ARHGDIB: variants seen among roughly 807,000 people sequenced by gnomAD.
ARHGDIB encodes the protein Rho GDP dissociation inhibitor beta.
Under a neutral mutation model 22.6 loss-of-function variants are expected in ARHGDIB, and 20 were observed. The ratio of observed to expected loss-of-function variants is 0.88; its 90% CI spans 0.62 to 1.28. ARHGDIB has a LOEUF of 1.28. Ranked by LOEUF, ARHGDIB falls within the 50% of genes most tolerant of loss-of-function variation. ARHGDIB has a pLI of 0.00. For missense variants in ARHGDIB, 254 were observed against 245.4 expected (o/e 1.04, Z -0.23); for synonymous variants, 114 against 96.1 (o/e 1.19, Z -1.09).
Position 14,942,353 on chromosome 12 carries a change from C to G in ARHGDIB, c.*169G>C. ...TGGGTGAAAGCCCGGTTTTAAGCCT[C>G]TTGTTCTAGGGACCACGTTGAGTGA... On this transcript the variant is annotated 3_prime_UTR_variant, in exon 6 of 6. Transcript: ENST00000228945. 1 of 741,148 alleles carries G rather than the reference C, an allele frequency of 1.3e-6. No individual in the cohort carries two copies. 45.9% of individuals were successfully genotyped at this position (741,148 alleles called of 1,614,324 possible). A position where few individuals can be genotyped will look rare whatever the true frequency, so the allele number is the denominator to read the frequency against.
chr12:14,948,357 A>C (rs982206482), intron 3 of ARHGDIB, among the ~76,000 whole-genome samples: 1 of 152,226 alleles, frequency 6.6e-6, no homozygotes, highest in Admixed American at 6.5e-5. Context: ...AAAACATATA[A>C]GAAAAATAGT....
In ARHGDIB at chr12:14,942,333, G is replaced by C; in HGVS notation, c.*189C>G. 3.1e-6 allele frequency: 2 copies of C among 635,498 alleles called. No individual in the cohort carries two copies. Among genetic ancestry groups the C allele is most frequent in the Non-Finnish European group, 5.4e-6 (2 of 367,304 alleles). 39.4% of individuals were successfully genotyped at this position (635,498 alleles called of 1,614,324 possible). ...GAGGATCAGAGGGAGCAGGTTGGGT[G>C]AAAGCCCGGTTTTAAGCCTCTTGTT... On this transcript the variant is annotated 3_prime_UTR_variant, in exon 6 of 6. Transcript: ENST00000228945.
chr12:14,942,592 G>T lies in ARHGDIB; in HGVS notation c.536C>A (p.Thr179Asn). 6.2e-7 allele frequency: 1 copy of T among 1,614,174 alleles called. No individual in the cohort carries two copies. The highest frequency in any genetic ancestry group is 8.5e-7 in the Non-Finnish European group (1 of 1,180,030). ...GAGGTGGTCTTGCTTGTCATCGTCG[G>T]TGAAGAAGGACTTGTTGTGGTACGT... ...RGTYHNKSFF[T>N]DDDKQDHLSW... is the part of the protein sequence containing the mutation. The change falls in exon 6 of 6, where the codon ACC becomes AAC. Residue 179 changes from threonine (T) to asparagine (N), a missense_variant. Coordinates refer to ENST00000228945, the MANE Select transcript of ARHGDIB (RefSeq NM_001175.7).
intron 1 of ARHGDIB, among the ~76,000 whole-genome samples, chr12:14,954,820 A>AT (rs1273204794): frequency 6.6e-6 from 1 of 152,174 alleles, no homozygotes; most frequent in Non-Finnish European, 1.5e-5. Context: ...GTGAGTAGAC[A>AT]TTAGCTGCTC....
At chr12:14,943,195 CTTTAAAACATTT>C (rs1266810618) in intron 5 of ARHGDIB, among the ~76,000 whole-genome samples, 2 of 152,112 alleles carry the variant, frequency 1.3e-5, no homozygotes, top group Non-Finnish European at 2.9e-5. Flanking sequence ...AAAAATTATT[CTTTAAAACATTT>C]TTTAAGTTGG....
chr12:14,944,780 C>T lies in ARHGDIB; in HGVS notation c.402G>A (p.Val134=), dbSNP rs143148352. ...TGGAAATGTGGGTTCCCTTACCTTTCACCCCAGTCCTGTAGGTGTGCTGAA... is the reference window on the plus strand; with the variant it reads ...TGGAAATGTGGGTTCCCTTACCTTTTACCCCAGTCCTGTAGGTGTGCTGAA... ...KYVQHTYRTG[V]KVDKATFMVG... is the part of the protein sequence containing the mutation. Residue 134 remains valine, a synonymous_variant, in exon 5 of 6, where the codon GTG becomes GTA. Coordinates refer to ENST00000228945, the MANE Select transcript of ARHGDIB (RefSeq NM_001175.7). The T allele has an allele frequency of 3.7e-6, 6 of 1,612,110 alleles. No individual in the cohort carries two copies. The African/African-American group carries it at 8.0e-5, about 22-fold the overall frequency.
rs1314679129 is a variant in ARHGDIB, at chr12:14,942,585, A to G, written c.543T>C (p.Asp181=). The G allele has an allele frequency of 1.2e-6, 2 of 1,614,074 alleles. No individual in the cohort carries two copies. Among genetic ancestry groups the G allele is most frequent in the African/African-American group, 2.7e-5 (2 of 74,924 alleles). The change falls in exon 6 of 6, where the codon GAT becomes GAC. Residue 181 remains aspartate (D), a synonymous_variant. Transcript: ENST00000228945. ...TYHNKSFFTD[D]DKQDHLSWEW... ...CCCAGCTGAGGTGGTCTTGCTTGTCATCGTCGGTGAAGAAGGACTTGTTGT... is the reference window on the plus strand; with the variant it reads ...CCCAGCTGAGGTGGTCTTGCTTGTCGTCGTCGGTGAAGAAGGACTTGTTGT...
intron 4 of ARHGDIB, 21 bp from the exon 5 acceptor site, chr12:14,944,860 AG>A: frequency 6.2e-7 from 1 of 1,609,670 alleles, no homozygotes; most frequent in East Asian, 2.2e-5. Flanking sequence ...GAAGGAACCA[AG>A]ATGTTCAGAT....
chr12:14,948,056 G>T (rs1310819714), intron 3 of ARHGDIB, 107 bp from the exon 4 acceptor site: 14 of 711,520 alleles, frequency 2.0e-5, no homozygotes, highest in Non-Finnish European at 1.5e-5. Flanking sequence ...GGGCAACATG[G>T]TTCACAGGGC....
At chr12:14,948,057 T>G in intron 3 of ARHGDIB, 108 bp from the exon 4 acceptor site, 2 of 751,780 alleles carry the variant, frequency 2.7e-6, no homozygotes, top group South Asian at 2.9e-5. Flanking sequence ...GGCAACATGG[T>G]TCACAGGGCC....
chr12:14,950,569 G>A lies in ARHGDIB; in HGVS notation c.144C>T (p.Tyr48=). The change falls in exon 2 of 6, where the codon TAC becomes TAT. Residue 48 remains tyrosine (Y), a synonymous_variant. Coordinates refer to ENST00000228945, the MANE Select transcript of ARHGDIB (RefSeq NM_001175.7). Reference sequence around the variant, plus strand: ...GACCATCTCCCAGCAGCGTTTTCTTGTACTTAATTAGACTCTCATCATCTT... The same window carrying A: ...GACCATCTCCCAGCAGCGTTTTCTTATACTTAATTAGACTCTCATCATCTT... ...MDKDDESLIK[Y]KKTLLGDGPV... The A allele has an allele frequency of 1.9e-6, 3 of 1,613,842 alleles. No homozygotes were observed. The highest frequency in any genetic ancestry group is 1.3e-5 in the African/African-American group (1 of 74,992).
intron 5 of ARHGDIB, 125 bp downstream of exon 5, chr12:14,944,651 G>C: frequency 2.3e-6 from 2 of 879,808 alleles, no homozygotes; most frequent in African/African-American, 1.7e-5. Flanking sequence ...CCTTTTCCTA[G>C]AGCCGGCATC....
intron 5 of ARHGDIB, among the ~76,000 whole-genome samples, chr12:14,942,955 A>G (rs1592283819): frequency 6.6e-6 from 1 of 151,028 alleles, no homozygotes. Context: ...CACAACCTCC[A>G]CCTCCCAGGT....
chr12:14,949,946 A>C, intron 2 of ARHGDIB, 61 bp from the exon 3 acceptor site: 1 of 1,389,690 alleles, frequency 7.2e-7, no homozygotes. Context: ...GGGTGTGTGC[A>C]TTTCAAGTGG....
chr12:14,949,431 A>C (rs1421561974), intron 3 of ARHGDIB, among the ~76,000 whole-genome samples: 2 of 151,874 alleles, frequency 1.3e-5, no homozygotes, highest in African/African-American at 4.8e-5. Context: ...AGTGGATAGA[A>C]GATCAATACT....
At chr12:14,943,946 G>A (rs574894172) in intron 5 of ARHGDIB, among the ~76,000 whole-genome samples, 1 of 152,194 alleles carries the variant, frequency 6.6e-6, no homozygotes, top group African/African-American at 2.4e-5. Context: ...TATCGGAAAG[G>A]CCAATCAATA....
intron 3 of ARHGDIB, 21 bp from the exon 4 acceptor site, chr12:14,947,970 AG>A (rs760702985): frequency 6.3e-7 from 1 of 1,587,460 alleles, no homozygotes; most frequent in Non-Finnish European, 8.7e-7. Flanking sequence ...AGATTTAGAG[AG>A]AGTTTATCCT....
chr12:14,954,910 T>C (rs1423749138), intron 1 of ARHGDIB, among the ~76,000 whole-genome samples: 2 of 152,224 alleles, frequency 1.3e-5, no homozygotes, highest in Non-Finnish European at 2.9e-5. Context: ...TTACTATCGA[T>C]GTGTGTCCCT....
At position 14,954,574 on chromosome 12, in the gene ARHGDIB, C is replaced by T. The variant is rs1342715350; in HGVS notation, c.-12-3850G>A. On this transcript the variant is annotated intron_variant, in intron 1 of 5. Coordinates refer to ENST00000228945, the MANE Select transcript of ARHGDIB (RefSeq NM_001175.7). Reference sequence around the variant, plus strand: ...CTGGCTTTCCTACTAACTAGCTTTTCCCCTGTTAACTGAATGTTGCAACCA... The same window carrying T: ...CTGGCTTTCCTACTAACTAGCTTTTTCCCTGTTAACTGAATGTTGCAACCA... 5.3e-5 allele frequency among the ~76,000 whole-genome samples: 8 copies of T among 152,192 alleles called. No homozygotes were observed. The East Asian group carries it at 1.5e-3, about 29-fold the overall frequency.
Sources: allele counts gnomAD v4.1 joint callset (sites outside exome capture counted in the v4.1 genomes callset), GRCh38; gene constraint gnomAD v4.1.1; transcripts MANE v1.5; gene names NCBI Gene and HGNC (gene_info 2026-07-23, HGNC 2026-07-21).